Variants in CREB5 observed in about 807,000 individuals in gnomAD.
CREB5 encodes the protein cAMP responsive element binding protein 5.
In CREB5, 19 loss-of-function variants were observed where a neutral mutation model predicts 57.1. The ratio of observed to expected loss-of-function variants is 0.33; its 90% CI spans 0.23 to 0.49. The LOEUF (loss-of-function observed/expected upper bound fraction) is 0.49, where lower values mean the gene tolerates loss of function less well. Among genes scored for constraint, CREB5 ranks in the 20% least tolerant of loss-of-function variants. CREB5 has a pLI of 0.99. For missense variants in CREB5, 579 were observed against 671.6 expected (o/e 0.86, Z 1.52); for synonymous variants, 238 against 238.3 (o/e 1.00, Z 0.01).
intron 8 of CREB5, among the ~76,000 whole-genome samples, chr7:28,805,449 G>C (rs1808659677): frequency 6.6e-6 from 1 of 152,132 alleles, no homozygotes. Flanking sequence ...CCAACCAGCT[G>C]AATCAGAAGG....
At chr7:28,584,435 A>G (rs1236830514) in intron 5 of CREB5, among the ~76,000 whole-genome samples, 1 of 152,130 alleles carries the variant, frequency 6.6e-6, no homozygotes, top group East Asian at 1.9e-4. Flanking sequence ...TAAGAAGGCC[A>G]TGTGGAGACA....
intron 1 of CREB5, among the ~76,000 whole-genome samples, chr7:28,328,978 C>A (rs144155334): frequency 2.0e-5 from 3 of 152,332 alleles, no homozygotes; most frequent in African/African-American, 7.2e-5. Context: ...GTGACTTACC[C>A]TCTCCTTTCT....
chr7:28,444,359 G>A (rs945206592), intron 1 of CREB5, among the ~76,000 whole-genome samples: 25 of 152,246 alleles, frequency 1.6e-4, no homozygotes, highest in Admixed American at 1.3e-3. Flanking sequence ...GGAATCTCAG[G>A]CTGCAAATTA....
chr7:28,525,902 A>T (rs140140251), intron 4 of CREB5, among the ~76,000 whole-genome samples: 1 of 152,326 alleles, frequency 6.6e-6, no homozygotes, highest in East Asian at 1.9e-4. Context: ...ATGTGGTGAT[A>T]AATGAAACCT....
chr7:28,444,590 A>G (rs1239965460), intron 1 of CREB5, among the ~76,000 whole-genome samples: 1 of 152,188 alleles, frequency 6.6e-6, no homozygotes, highest in East Asian at 1.9e-4. Context: ...CCAGAGGAGA[A>G]GCTGTGTTTT....
intron 5 of CREB5, among the ~76,000 whole-genome samples, chr7:28,689,018 T>C (rs1436346949): frequency 1.3e-5 from 2 of 152,186 alleles, no homozygotes; most frequent in Non-Finnish European, 2.9e-5. Flanking sequence ...ACTTACATGA[T>C]CTCAGCTCAT....
At chr7:28,305,313 T>C (rs1008679097) in intron 1 of CREB5, among the ~76,000 whole-genome samples, 7 of 152,222 alleles carry the variant, frequency 4.6e-5, no homozygotes, top group African/African-American at 1.7e-4. Context: ...CCTTTTGCTC[T>C]TTCCTTCTTT....
At chr7:28,430,214 T>C (rs1269726436) in intron 1 of CREB5, among the ~76,000 whole-genome samples, 1 of 152,192 alleles carries the variant, frequency 6.6e-6, no homozygotes, top group African/African-American at 2.4e-5. Flanking sequence ...GTGAATATGT[T>C]TGTTGGGGAA....
chr7:28,589,037 C>T lies in CREB5; in HGVS notation c.464+18500C>T, dbSNP rs1220433155. ...AAATGTAAGACTCACTCTATGGTCA[C>T]TTTTCCTTGACATTCTACTTTGAAA... On this transcript the variant is annotated intron_variant, in intron 5 of 10. Transcript: ENST00000357727. Among the ~76,000 whole-genome samples, 3 of 152,182 alleles carry T rather than the reference C, an allele frequency of 2.0e-5. No homozygotes were observed. The East Asian group carries it at 5.8e-4, about 29-fold the overall frequency.
At chr7:28,675,771 C>T (rs1395862979) in intron 5 of CREB5, among the ~76,000 whole-genome samples, 1 of 151,786 alleles carries the variant, frequency 6.6e-6, no homozygotes, top group Non-Finnish European at 1.5e-5. Context: ...ATAAGGTGCT[C>T]ATATGGGAGA....
upstream of CREB5, among the ~76,000 whole-genome samples, chr7:28,408,963 A>C: frequency 2.1e-5 from 3 of 141,886 alleles, no homozygotes; most frequent in Admixed American, 7.1e-5. Context: ...CCTCTCCCCT[A>C]CCCCCATCCC....
chr7:28,409,254 C>G (rs972526766), upstream of CREB5: 6 of 151,756 alleles, frequency 4.0e-5, no homozygotes, highest in Non-Finnish European at 7.4e-5. This position sits in a 1 kb window ranked among gnomAD's most constrained non-coding sequence, Gnocchi z 4.4. Flanking sequence ...CCCCGCCCCT[C>G]GCTCCGTCCC....
At chr7:28,640,900 G>A (rs1798632171) in intron 5 of CREB5, among the ~76,000 whole-genome samples, 1 of 152,112 alleles carries the variant, frequency 6.6e-6, no homozygotes, top group Non-Finnish European at 1.5e-5. Context: ...TATCCAGTTT[G>A]TTTTCCCTGA....
At chr7:28,413,946 T>C (rs942089368) in intron 1 of CREB5, among the ~76,000 whole-genome samples, 3 of 152,164 alleles carry the variant, frequency 2.0e-5, no homozygotes, top group East Asian at 3.8e-4. Context: ...AATCTACTTT[T>C]TAGCAATGAG....
intron 1 of CREB5, among the ~76,000 whole-genome samples, chr7:28,433,347 G>T (rs1788807699): frequency 6.6e-6 from 1 of 152,106 alleles, no homozygotes; most frequent in Non-Finnish European, 1.5e-5. Context: ...CAGTTGATTA[G>T]GTCAAAAATT....
In CREB5 at chr7:28,334,046, G is replaced by A. The variant is rs111831969; in HGVS notation, c.-25+34605G>A. The stretch of plus-strand genomic sequence containing the variant: ...TCCTTTTCTCCACATCCTTGCCAGC[G>A]TTTGTAATTGCCTGGCTTTTTGATA... On this transcript the variant is annotated intron_variant, in intron 1 of 9. Transcript: ENST00000396299. 2.9e-3 allele frequency among the ~76,000 whole-genome samples: 434 copies of A among 152,196 alleles called. 2 individuals carry two copies. Among genetic ancestry groups the A allele is most frequent in the African/African-American group, 8.8e-3 (366 of 41,540 alleles).
At chr7:28,808,435 G>T (rs1051040297) in intron 8 of CREB5, among the ~76,000 whole-genome samples, 19 of 152,194 alleles carry the variant, frequency 1.2e-4, no homozygotes, top group Non-Finnish European at 2.1e-4. Context: ...CTGCTCAGAG[G>T]TTTTCTGTAG....
chr7:28,560,879 CGTGCGT>C (rs1554344366), intron 4 of CREB5, among the ~76,000 whole-genome samples: 5 of 22,056 alleles, frequency 2.3e-4, no homozygotes, highest in African/African-American at 2.5e-4. Context: ...CGTGCGCGTG[CGTGCGT>C]GCGTGTGTGT....
At chr7:28,813,320 G>T (rs1226198751) in intron 9 of CREB5, among the ~76,000 whole-genome samples, 3 of 152,178 alleles carry the variant, frequency 2.0e-5, no homozygotes, top group Non-Finnish European at 2.9e-5. Flanking sequence ...TGCTGATGTG[G>T]TACTCAGTAG....
Sources: gnomAD v4.1 joint callset for allele counts (sites outside exome capture counted in the v4.1 genomes callset) on GRCh38, gnomAD v4.1.1 for gene constraint, Gnocchi (gnomAD v3.1) non-coding constraint, MANE v1.5 for transcripts, NCBI Gene and HGNC (gene_info 2026-07-23, HGNC 2026-07-21) for gene names.